MAN1A1: variants seen among roughly 807,000 people sequenced by gnomAD.
The protein encoded by MAN1A1 is mannosidase alpha class 1A member 1, also known as mannosyl-oligosaccharide 1,2-alpha-mannosidase IA.
MAN1A1 carries 29 observed loss-of-function variants against 70.8 expected under a neutral mutation model. That is an observed-to-expected ratio of 0.41 (90% CI 0.31 to 0.56). The LOEUF (loss-of-function observed/expected upper bound fraction) is 0.56, where lower values mean the gene tolerates loss of function less well. MAN1A1 is among the 20% of genes least tolerant of loss of function. The pLI is 0.29. For synonymous variants in MAN1A1, 349 were observed against 330.1 expected, an observed-to-expected ratio of 1.06 and a Z score of -0.62; for missense variants, 747 against 841.3, an observed-to-expected ratio of 0.89 and a Z score of 1.39.
rs117004754 is a variant in MAN1A1, at chr6:119,260,660, G to A, written c.898-12306C>T. 1.0e-3 allele frequency among the ~76,000 whole-genome samples: 152 copies of A among 152,076 alleles called. 1 individual carries two copies. In the East Asian group the frequency reaches 0.027, roughly 27 times the overall value. The stretch of plus-strand genomic sequence containing the variant: ...CATCTTTATCTTTTTTTCATTTAGA[G>A]GCTTTAACATATTTTCATATATCCC... On this transcript the variant is annotated intron_variant, in intron 5 of 12. Transcript: ENST00000368468.
intron 4 of MAN1A1, among the ~76,000 whole-genome samples, chr6:119,292,524 A>C (rs1050001747): frequency 2.0e-5 from 3 of 152,080 alleles, no homozygotes; most frequent in Non-Finnish European, 4.4e-5. Flanking sequence ...TTAGTGGGAT[A>C]AAATATTTCC....
intron 2 of MAN1A1, among the ~76,000 whole-genome samples, chr6:119,325,954 AG>A (rs1773136430): frequency 6.6e-6 from 1 of 152,188 alleles, no homozygotes; most frequent in Non-Finnish European, 1.5e-5. Context: ...CAGCAACCTG[AG>A]GCACAAAATA....
rs144060996 is a variant in MAN1A1 at position 119,253,442 on chromosome 6, T to C, written c.898-5088A>G. On this transcript the variant is annotated intron_variant, in intron 5 of 12. Coordinates refer to ENST00000368468, the MANE Select transcript of MAN1A1 (RefSeq NM_005907.4). ...AAAACCGCTTCAAAAGTTGAACAAA[T>C]TGGGCTATGAAGTTTTGTCTCATCT... is the stretch of plus-strand genomic sequence containing the variant. 1.8e-3 allele frequency among the ~76,000 whole-genome samples: 272 copies of C among 152,300 alleles called. 1 individual carries two copies. Among genetic ancestry groups the C allele is most frequent in the African/African-American group, 6.2e-3 (256 of 41,576 alleles).
intron 2 of MAN1A1, among the ~76,000 whole-genome samples, chr6:119,336,181 T>C (rs1773446063): frequency 6.6e-6 from 1 of 152,232 alleles, no homozygotes; most frequent in South Asian, 2.1e-4. Context: ...GTGATTCTTC[T>C]GCCTCAGCCT....
intron 6 of MAN1A1, among the ~76,000 whole-genome samples, chr6:119,205,151 C>G (rs528575848): frequency 7.4e-4 from 112 of 152,304 alleles, no homozygotes; most frequent in African/African-American, 2.6e-3. Flanking sequence ...TTGGAAAATA[C>G]AGGTGCTATA....
At chr6:119,257,192 A>T (rs1357344767) in intron 5 of MAN1A1, among the ~76,000 whole-genome samples, 1 of 152,174 alleles carries the variant, frequency 6.6e-6, no homozygotes, top group African/African-American at 2.4e-5. Flanking sequence ...AGCAAAAGGG[A>T]AGAGGAAGTG....
At chr6:119,343,684 A>G (rs947933898) in intron 2 of MAN1A1, among the ~76,000 whole-genome samples, 4 of 152,210 alleles carry the variant, frequency 2.6e-5, no homozygotes, top group African/African-American at 9.6e-5. Flanking sequence ...CCAAACAGGT[A>G]TCTTGTTTAT....
intron 2 of MAN1A1, among the ~76,000 whole-genome samples, chr6:119,325,375 T>C (rs1031615278): frequency 5.3e-5 from 8 of 152,320 alleles, no homozygotes; most frequent in African/African-American, 1.9e-4. Flanking sequence ...TTCAGTAGTC[T>C]GGCAAGACAT....
intron 5 of MAN1A1, among the ~76,000 whole-genome samples, chr6:119,284,810 A>G (rs1423430858): frequency 6.6e-6 from 1 of 152,098 alleles, no homozygotes; most frequent in Non-Finnish European, 1.5e-5. Context: ...TTCTAATGTT[A>G]TATTTTGATT....
intron 6 of MAN1A1, among the ~76,000 whole-genome samples, chr6:119,235,337 A>G (rs1285867694): frequency 1.3e-5 from 2 of 152,236 alleles, no homozygotes; most frequent in Non-Finnish European, 2.9e-5. Flanking sequence ...CAGCGAAATC[A>G]TGAATGATAA....
chr6:119,275,410 C>G (rs368501405), intron 5 of MAN1A1, among the ~76,000 whole-genome samples: 3 of 137,926 alleles, frequency 2.2e-5, no homozygotes, highest in Admixed American at 7.3e-5. Flanking sequence ...GGGTTCACGC[C>G]ATTCTCCTGC....
chr6:119,199,375 A>G (rs539731361), intron 8 of MAN1A1, among the ~76,000 whole-genome samples: 16 of 152,332 alleles, frequency 1.1e-4, no homozygotes, highest in South Asian at 4.1e-4. Flanking sequence ...TCTGTGAAAC[A>G]GTAAGTGGCT....
At chr6:119,207,343 T>A (rs1294923791) in intron 6 of MAN1A1, among the ~76,000 whole-genome samples, 1 of 152,138 alleles carries the variant, frequency 6.6e-6, no homozygotes, top group East Asian at 1.9e-4. Flanking sequence ...ATATAAAGTA[T>A]GTTCATATGA....
chr6:119,263,568 T>G (rs980818), intron 5 of MAN1A1, among the ~76,000 whole-genome samples: 72,500 of 151,944 alleles, frequency 0.48, 17,739 homozygotes, highest in East Asian at 0.76. Context: ...TTATTACTTG[T>G]GTGAAAAAAT....
intron 11 of MAN1A1, among the ~76,000 whole-genome samples, chr6:119,183,833 C>T (rs1233259258): frequency 2.0e-5 from 3 of 151,996 alleles, no homozygotes; most frequent in African/African-American, 7.3e-5. Context: ...AGCTTGAGAC[C>T]CCCTTATCAG....
At chr6:119,261,183 G>C (rs1048237766) in intron 5 of MAN1A1, among the ~76,000 whole-genome samples, 1 of 151,850 alleles carries the variant, frequency 6.6e-6, no homozygotes, top group South Asian at 2.1e-4. Flanking sequence ...GTTTCACCGT[G>C]TTGGCCAGGA....
chr6:119,340,162 T>C (rs938457296), intron 2 of MAN1A1, among the ~76,000 whole-genome samples: 1 of 152,062 alleles, frequency 6.6e-6, no homozygotes, highest in African/African-American at 2.4e-5. Context: ...GGGAATGAGA[T>C]TTTGAGACTG....
intron 4 of MAN1A1, among the ~76,000 whole-genome samples, chr6:119,298,287 A>G (rs150969304): frequency 6.6e-5 from 10 of 152,326 alleles, no homozygotes; most frequent in African/African-American, 2.4e-4. Flanking sequence ...CCCAGAACAT[A>G]TTATCCCAAC....
Position 119,193,882 on chromosome 6 carries a change from T to C in MAN1A1, c.1221A>G (p.Ser407=). Residue 407 remains serine, a synonymous_variant, in exon 9 of 13, where the codon TCA becomes TCG. Coordinates refer to ENST00000368468, the MANE Select transcript of MAN1A1 (RefSeq NM_005907.4). Reference sequence around the variant, plus strand: ...AGAAGCTGTCTCCAAGTCCTCCAACTGATACATGATCTGGAAAGAGAGGGA... The same window carrying C: ...AGAAGCTGTCTCCAAGTCCTCCAACCGATACATGATCTGGAAAGAGAGGGA... ...SSGQWGQHHV[S]VGGLGDSFYE... The C allele has an allele frequency of 1.9e-6, 3 of 1,600,796 alleles. No homozygotes were observed. Among genetic ancestry groups the C allele is most frequent in the Non-Finnish European group, 1.7e-6 (2 of 1,168,624 alleles).
Sources: gnomAD v4.1 joint callset for allele counts (sites outside exome capture counted in the v4.1 genomes callset) on GRCh38, gnomAD v4.1.1 for gene constraint, MANE v1.5 for transcripts, NCBI Gene and HGNC (gene_info 2026-07-23, HGNC 2026-07-21) for gene names.